TENT5D: variants seen among roughly 807,000 people sequenced by gnomAD.
TENT5D encodes terminal nucleotidyltransferase 5D.
For missense variants in TENT5D, 191 were observed against 287.0 expected, an observed-to-expected ratio of 0.67 and a Z score of 2.42; for synonymous variants, 103 against 100.6, an observed-to-expected ratio of 1.02 and a Z score of -0.15.
chrX:80,393,083 ATTC>A (rs1931167797), intron 3 of TENT5D, among the ~76,000 whole-genome samples: 1 of 109,928 alleles, frequency 9.1e-6, no homozygotes, highest in East Asian at 2.9e-4. Context: ...ATTTTTTTAT[ATTC>A]TTTGTGAATT....
At chrX:80,443,034 C>T in exon 3 of TENT5D, 2 of 1,211,289 alleles carry the variant, frequency 1.7e-6, no homozygotes, top group East Asian at 3.0e-5. Flanking sequence ...TGAGTTCACT[C>T]AGACGGCAGT....
intron 3 of TENT5D, among the ~76,000 whole-genome samples, chrX:80,378,030 T>C (rs867342107): frequency 8.9e-6 from 1 of 112,317 alleles, no homozygotes; most frequent in African/African-American, 3.2e-5. Context: ...TGCATAAATA[T>C]CTTCTTTTGA....
At chrX:80,415,689 G>A (rs1931757344), upstream of TENT5D, among the ~76,000 whole-genome samples, 1 of 111,391 alleles carries the variant, frequency 9.0e-6, no homozygotes, top group Admixed American at 9.6e-5. Context: ...TGCTTGATAC[G>A]GTTTGCTGAT....
chrX:80,359,447 A>T (rs1055427110), intron 3 of TENT5D, among the ~76,000 whole-genome samples: 1 of 112,349 alleles, frequency 8.9e-6, no homozygotes, highest in Admixed American at 9.4e-5. Context: ...TGGCACATAT[A>T]CACCATGGAA....
intron 1 of TENT5D, among the ~76,000 whole-genome samples, chrX:80,421,161 T>C (rs1436105864): frequency 9.0e-6 from 1 of 111,344 alleles, no homozygotes; most frequent in Non-Finnish European, 1.9e-5. Context: ...AAAGCACTCA[T>C]GTCTTATCTC....
chrX:80,339,493 G>C (rs886652349), intron 2 of TENT5D, among the ~76,000 whole-genome samples: 5 of 111,178 alleles, frequency 4.5e-5, no homozygotes, highest in African/African-American at 1.6e-4. Flanking sequence ...GACTAGCCTA[G>C]AACTCTTCAA....
intron 3 of TENT5D, among the ~76,000 whole-genome samples, chrX:80,383,855 CA>C (rs1196145331): frequency 2.9e-4 from 29 of 100,431 alleles, no homozygotes; most frequent in Admixed American, 5.4e-4. Flanking sequence ...GACTCCATCT[CA>C]AAAAAAAAAA....
intron 3 of TENT5D, among the ~76,000 whole-genome samples, chrX:80,398,788 G>A (rs1931336885): frequency 9.2e-6 from 1 of 108,508 alleles, no homozygotes; most frequent in Non-Finnish European, 1.9e-5. Context: ...TTTTTATAAT[G>A]CCAGTGCCTT....
chrX:80,397,042 T>C (rs1602206661), intron 3 of TENT5D, among the ~76,000 whole-genome samples: 1 of 68,825 alleles, frequency 1.5e-5, no homozygotes, highest in African/African-American at 6.1e-5. Context: ...GACCCCCACC[T>C]CCCTCCCAGA....
chrX:80,340,866 A>C (rs1054812402), intron 2 of TENT5D, among the ~76,000 whole-genome samples: 5 of 112,362 alleles, frequency 4.4e-5, no homozygotes, highest in Admixed American at 9.5e-5. Flanking sequence ...GAATTATCTA[A>C]TGCTGTCTTT....
At chrX:80,380,975 T>C (rs999994683) in intron 3 of TENT5D, among the ~76,000 whole-genome samples, 9 of 111,973 alleles carry the variant, frequency 8.0e-5, no homozygotes, top group African/African-American at 2.6e-4. Flanking sequence ...GTTAATATTG[T>C]TATATGTGAA....
At chrX:80,357,852 G>T (rs1930319809) in intron 3 of TENT5D, among the ~76,000 whole-genome samples, 1 of 111,519 alleles carries the variant, frequency 9.0e-6, no homozygotes, top group Middle Eastern at 4.2e-3. Flanking sequence ...AGCCTGCATT[G>T]CCAAGTCAAT....
intron 3 of TENT5D, among the ~76,000 whole-genome samples, chrX:80,351,233 T>G (rs1930171490): frequency 9.1e-6 from 1 of 110,477 alleles, no homozygotes; most frequent in Non-Finnish European, 1.9e-5. Flanking sequence ...TATCCTGAAG[T>G]GTGTTTTTCA....
chrX:80,383,496 T>TC (rs2147533085), intron 3 of TENT5D, among the ~76,000 whole-genome samples: 1 of 112,273 alleles, frequency 8.9e-6, no homozygotes, highest in East Asian at 2.8e-4. Context: ...GTACTGATTT[T>TC]TAAAAAATCA....
intron 3 of TENT5D, among the ~76,000 whole-genome samples, chrX:80,379,431 A>T (rs1169879107): frequency 9.0e-6 from 1 of 110,786 alleles, no homozygotes; most frequent in Non-Finnish European, 1.9e-5. Context: ...TGTCTCTGCC[A>T]GGCTTTGGTA....
intron 2 of TENT5D, among the ~76,000 whole-genome samples, chrX:80,340,152 A>G (rs911276419): frequency 3.6e-5 from 4 of 111,077 alleles, no homozygotes; most frequent in African/African-American, 1.3e-4. Context: ...ATGTAAGCAT[A>G]GTGCTCAGAA....
intron 3 of TENT5D, among the ~76,000 whole-genome samples, chrX:80,381,214 A>T (rs199667828): frequency 5.4e-5 from 6 of 111,194 alleles, no homozygotes; most frequent in Non-Finnish European, 1.1e-4. Flanking sequence ...CCCTTCACTT[A>T]TGAAGCTTAG....
intron 3 of TENT5D, among the ~76,000 whole-genome samples, chrX:80,386,196 G>A (rs1930999778): frequency 1.8e-5 from 2 of 112,260 alleles, no homozygotes; most frequent in African/African-American, 6.5e-5. Context: ...ATGATAGACT[G>A]GATTAAGAAA....
At chrX:80,399,698 G>A (rs945647898) in intron 3 of TENT5D, among the ~76,000 whole-genome samples, 2 of 112,512 alleles carry the variant, frequency 1.8e-5, no homozygotes, top group African/African-American at 6.5e-5. Context: ...ACACAACACT[G>A]TATAGGCCAC....
Sources: allele counts gnomAD v4.1 joint callset (sites outside exome capture counted in the v4.1 genomes callset), GRCh38; gene constraint gnomAD v4.1.1; transcripts MANE v1.5; gene names NCBI Gene and HGNC (gene_info 2026-07-23, HGNC 2026-07-21).